GADL1: variants seen among roughly 807,000 people sequenced by gnomAD.
GADL1 encodes the protein GAD like acidic amino acid decarboxylase 1.
GADL1 carries 71 observed loss-of-function variants against 69.5 expected under a neutral mutation model. The ratio of observed to expected loss-of-function variants is 1.02; its 90% CI spans 0.84 to 1.25. The LOEUF (loss-of-function observed/expected upper bound fraction) is 1.25. Among genes scored for constraint, GADL1 ranks in the 50% most tolerant of loss-of-function variants. GADL1 has a pLI of 0.00. For missense variants in GADL1, 737 were observed against 631.8 expected (o/e 1.17, Z -1.79); for synonymous variants, 254 against 214.4 (o/e 1.18, Z -1.62).
At chr3:30,783,528 T>A (rs896420736) in intron 13 of GADL1, among the ~76,000 whole-genome samples, 1 of 152,126 alleles carries the variant, frequency 6.6e-6, no homozygotes, top group Non-Finnish European at 1.5e-5. Flanking sequence ...CAGTGACACA[T>A]ACTCTCTCAA....
intron 2 of GADL1, among the ~76,000 whole-genome samples, chr3:30,858,802 G>A (rs1159500450): frequency 3.3e-5 from 5 of 151,990 alleles, no homozygotes. Flanking sequence ...GGCTCAGAGA[G>A]AACCTACAGC....
chr3:30,813,487 TAAC>T (rs1178351611), intron 11 of GADL1, among the ~76,000 whole-genome samples: 1 of 152,170 alleles, frequency 6.6e-6, no homozygotes, highest in Non-Finnish European at 1.5e-5. Context: ...GCACAATACT[TAAC>T]AAAATCAATC....
At chr3:30,741,375 A>T (rs975714423) in intron 14 of GADL1, among the ~76,000 whole-genome samples, 3 of 151,846 alleles carry the variant, frequency 2.0e-5, no homozygotes, top group Non-Finnish European at 4.4e-5. Flanking sequence ...CTACATCCCC[A>T]CATTTAACCA....
chr3:30,747,390 G>A (rs569360616), intron 14 of GADL1, among the ~76,000 whole-genome samples: 21 of 152,246 alleles, frequency 1.4e-4, no homozygotes, highest in Non-Finnish European at 1.8e-4. Context: ...AAATGATGGT[G>A]CATTTGTCTA....
intron 14 of GADL1, among the ~76,000 whole-genome samples, chr3:30,736,384 A>G (rs1695541711): frequency 6.6e-6 from 1 of 152,158 alleles, no homozygotes; most frequent in Non-Finnish European, 1.5e-5. Context: ...AGAGCCGATA[A>G]TCCTTTGCAG....
chr3:30,755,097 TAGAGA>T (rs1312068655), intron 14 of GADL1, among the ~76,000 whole-genome samples: 1 of 151,972 alleles, frequency 6.6e-6, no homozygotes, highest in Non-Finnish European at 1.5e-5. Context: ...GTGCTTCACA[TAGAGA>T]AAATTAGCCA....
At chr3:30,827,211 T>C (rs1404953368) in intron 11 of GADL1, among the ~76,000 whole-genome samples, 1 of 151,248 alleles carries the variant, frequency 6.6e-6, no homozygotes, top group Non-Finnish European at 1.5e-5. Flanking sequence ...GCTTGGGTTT[T>C]ATACTCAGTA....
At chr3:30,881,906 T>C (rs531710082) in intron 1 of GADL1, among the ~76,000 whole-genome samples, 2 of 151,928 alleles carry the variant, frequency 1.3e-5, no homozygotes, top group African/African-American at 2.4e-5. Context: ...CTCCTGTTGC[T>C]GTCTTGCCTG....
chr3:30,768,099 C>G (rs1696327309), intron 14 of GADL1, among the ~76,000 whole-genome samples: 2 of 145,926 alleles, frequency 1.4e-5, no homozygotes, highest in South Asian at 4.4e-4. Context: ...GTACTCATTC[C>G]TTACTGCTGG....
intron 14 of GADL1, among the ~76,000 whole-genome samples, chr3:30,729,787 CT>C (rs886560743): frequency 4.6e-5 from 7 of 152,222 alleles, no homozygotes; most frequent in East Asian, 3.9e-4. Flanking sequence ...TAACTCAACA[CT>C]TTTTTTTCCA....
intron 14 of GADL1, among the ~76,000 whole-genome samples, chr3:30,764,935 A>AG (rs922108553): frequency 3.3e-5 from 5 of 150,540 alleles, no homozygotes; most frequent in African/African-American, 7.3e-5. Flanking sequence ...TCCTGCAAAG[A>AG]GGGGGGACAT....
chr3:30,816,605 G>T (rs1462625975), intron 11 of GADL1, among the ~76,000 whole-genome samples: 1 of 124,344 alleles, frequency 8.0e-6, no homozygotes. Context: ...GAGTGCATTG[G>T]CGCTATCTTG....
intron 1 of GADL1, among the ~76,000 whole-genome samples, chr3:30,885,867 G>T (rs888357720): frequency 6.6e-6 from 1 of 151,796 alleles, no homozygotes; most frequent in African/African-American, 2.4e-5. Flanking sequence ...TTGTCCTCCC[G>T]AAGTACTGGA....
rs554066760 is a variant in GADL1, at chr3:30,867,088, A to T, written c.38-5323T>A. Among the ~76,000 whole-genome samples the T allele has an allele frequency of 8.9e-4, 135 of 152,148 alleles. 3 individuals are homozygous for T. The highest frequency in any genetic ancestry group is 3.4e-3 in the Middle Eastern group (1 of 294). On this transcript the variant is annotated intron_variant, in intron 1 of 14. Transcript: ENST00000282538. ...CTGTGCCTGTTTTCTCATCTATAAA[A>T]ATTGGAGCCCATCTGAGGAAAGTGA...
intron 4 of GADL1, among the ~76,000 whole-genome samples, chr3:30,852,296 T>C (rs1485394154): frequency 6.6e-6 from 1 of 152,022 alleles, no homozygotes; most frequent in Admixed American, 6.6e-5. Flanking sequence ...GGGTGGATCA[T>C]AGGTCAGGAG....
At chr3:30,753,339 A>T (rs756435714) in intron 14 of GADL1, among the ~76,000 whole-genome samples, 1 of 152,286 alleles carries the variant, frequency 6.6e-6, no homozygotes, top group South Asian at 2.1e-4. Flanking sequence ...TGTATTTTGA[A>T]TTCTAGTTTC....
At chr3:30,835,812 G>A (rs1383333429) in intron 9 of GADL1, among the ~76,000 whole-genome samples, 3 of 152,020 alleles carry the variant, frequency 2.0e-5, no homozygotes, top group South Asian at 2.1e-4. Context: ...AGGATTCCCA[G>A]GTAAAGAGTT....
intron 1 of GADL1, among the ~76,000 whole-genome samples, chr3:30,863,027 TCACACACACA>T (rs397875196): frequency 5.4e-5 from 6 of 110,216 alleles, no homozygotes; most frequent in Admixed American, 1.2e-4. Context: ...CATGTCTGTT[TCACACACACA>T]CACACACACA....
chr3:30,748,255 G>A (rs777624598), intron 14 of GADL1, among the ~76,000 whole-genome samples: 9 of 152,136 alleles, frequency 5.9e-5, no homozygotes, highest in African/African-American at 1.2e-4. Flanking sequence ...CTCCTGGTTC[G>A]ATTCATTTAA....
Sources: gnomAD v4.1 joint callset for allele counts (sites outside exome capture counted in the v4.1 genomes callset) on GRCh38, gnomAD v4.1.1 for gene constraint, MANE v1.5 for transcripts, NCBI Gene and HGNC (gene_info 2026-07-23, HGNC 2026-07-21) for gene names.